The following ARID1B variants were observed in gnomAD, a reference collection of about 807,000 sequenced individuals.
ARID1B encodes AT-rich interaction domain 1B, also known as AT-rich interactive domain-containing protein 1B.
ARID1B carries 30 observed loss-of-function variants against 212.3 expected under a neutral mutation model. The observed-to-expected ratio is 0.14, with a 90% CI of 0.11 to 0.19. The LOEUF (loss-of-function observed/expected upper bound fraction) is 0.19, where lower values mean the gene tolerates loss of function less well. ARID1B is among the 10% of genes least tolerant of loss of function. The pLI is 1.00. For synonymous variants in ARID1B, 1,402 were observed against 1,301.7 expected, an observed-to-expected ratio of 1.08 and a Z score of -1.66; for missense variants, 2,891 against 3,204.0, an observed-to-expected ratio of 0.90 and a Z score of 2.36.
intron 1 of ARID1B, among the ~76,000 whole-genome samples, chr6:156,787,871 T>A (rs1327564325): frequency 2.6e-5 from 4 of 152,120 alleles, no homozygotes. Flanking sequence ...TTTGGAGGCC[T>A]CAGCACCCAT....
rs77425042 is a variant in ARID1B at position 156,994,630 on chromosome 6, C to T, written c.2247+59054C>T. The stretch of plus-strand genomic sequence containing the variant: ...ACATATGTTAAGTCTGTAGGGTGAA[C>T]GCACGCCCATTATGGGCAACCTGAT... On this transcript the variant is annotated intron_variant, in intron 4 of 19. Transcript: ENST00000636930. Among the ~76,000 whole-genome samples the T allele has an allele frequency of 5.6e-3, 848 of 152,142 alleles. 14 individuals are homozygous for T. Among genetic ancestry groups the T allele is most frequent in the African/African-American group, 0.02 (817 of 41,512 alleles).
intron 4 of ARID1B, among the ~76,000 whole-genome samples, chr6:157,014,676 A>G (rs756826977): frequency 1.3e-5 from 2 of 152,228 alleles, no homozygotes; most frequent in Non-Finnish European, 2.9e-5. Context: ...TGATACCAAC[A>G]CCATTGAATT....
intron 3 of ARID1B, among the ~76,000 whole-genome samples, chr6:156,907,094 C>CT (rs1789454945): frequency 6.6e-6 from 1 of 151,986 alleles, no homozygotes; most frequent in East Asian, 1.9e-4. Context: ...GCTTTTTTGC[C>CT]TTTCTGCAGA....
At chr6:157,056,419 C>A (rs975314324) in intron 4 of ARID1B, among the ~76,000 whole-genome samples, 21 of 152,164 alleles carry the variant, frequency 1.4e-4, no homozygotes, top group Admixed American at 7.2e-4. Context: ...CAGAGCTATC[C>A]ATCATAGCAG....
intron 7 of ARID1B, chr6:157,140,805 T>G: frequency 2.5e-6 from 1 of 396,246 alleles, no homozygotes; most frequent in South Asian, 1.4e-4. Flanking sequence ...GATCCGCTTC[T>G]GCCCCGGGAG....
intron 5 of ARID1B, among the ~76,000 whole-genome samples, chr6:157,108,875 T>A (rs1184103158): frequency 6.6e-6 from 1 of 152,212 alleles, no homozygotes; most frequent in Non-Finnish European, 1.5e-5. Flanking sequence ...TGTCTATAAA[T>A]TCAGGTCTTT....
chr6:157,082,671 T>G (rs1425031016), intron 4 of ARID1B, among the ~76,000 whole-genome samples: 1 of 152,158 alleles, frequency 6.6e-6, no homozygotes, highest in Non-Finnish European at 1.5e-5. Flanking sequence ...CTGCCTCAGC[T>G]TCCCGAGTAG....
At chr6:156,899,309 A>G (rs1562470293) in intron 2 of ARID1B, among the ~76,000 whole-genome samples, 1 of 152,170 alleles carries the variant, frequency 6.6e-6, no homozygotes, top group Non-Finnish European at 1.5e-5. Context: ...GAGTTGAGCA[A>G]TCCGTCCCAT....
chr6:156,807,522 A>G (rs1781261280), intron 1 of ARID1B, among the ~76,000 whole-genome samples: 1 of 151,528 alleles, frequency 6.6e-6, no homozygotes, highest in Non-Finnish European at 1.5e-5. Flanking sequence ...AAAGATTCAA[A>G]CGCTGGCAAA....
intron 4 of ARID1B, among the ~76,000 whole-genome samples, chr6:156,991,681 G>A (rs1778286855): frequency 6.6e-6 from 1 of 152,034 alleles, no homozygotes; most frequent in Non-Finnish European, 1.5e-5. Flanking sequence ...CATTATTAAG[G>A]TACTGATTTT....
At chr6:157,120,157 G>C (rs1787610645) in intron 6 of ARID1B, among the ~76,000 whole-genome samples, 1 of 152,200 alleles carries the variant, frequency 6.6e-6, no homozygotes, top group Admixed American at 6.5e-5. Context: ...TTTTTCCTCA[G>C]CACTGAAGTG....
intron 1 of ARID1B, among the ~76,000 whole-genome samples, chr6:156,792,341 C>T (rs1007635540): frequency 2.0e-5 from 3 of 152,182 alleles, no homozygotes; most frequent in Non-Finnish European, 2.9e-5. Context: ...AGTGGTTCAA[C>T]ACCTGTAATC....
rs925801197 is a variant in ARID1B at position 157,117,025 on chromosome 6, G to A, written c.2581+6464G>A. Among the ~76,000 whole-genome samples the A allele has an allele frequency of 2.0e-5, 3 of 152,176 alleles. No homozygotes were observed. The East Asian group carries it at 5.8e-4, about 29-fold the overall frequency. On this transcript the variant is annotated intron_variant, in intron 6 of 19. Transcript: ENST00000636930. ...CCAGCCAAACATAGAGATCTTGACAGCTGTTTGTCAGCAGAATCACAAAAA... is the reference window on the plus strand; with the variant it reads ...CCAGCCAAACATAGAGATCTTGACAACTGTTTGTCAGCAGAATCACAAAAA...
In ARID1B at chr6:156,847,110, A is replaced by G. The variant is rs145903159; in HGVS notation, c.1986+17689A>G. 3.4e-3 allele frequency among the ~76,000 whole-genome samples: 515 copies of G among 151,150 alleles called. 5 individuals are homozygous for G. The highest frequency in any genetic ancestry group is 0.012 in the African/African-American group (486 of 41,226). On this transcript the variant is annotated intron_variant, in intron 2 of 19. Coordinates refer to ENST00000636930, the MANE Select transcript of ARID1B (RefSeq NM_001374828.1). Reference sequence around the variant, plus strand: ...AGAGTAGAGAGAAACATGAGCATTTAATCTGTCTGTTTACCAGAAACCTCT... The same window carrying G: ...AGAGTAGAGAGAAACATGAGCATTTGATCTGTCTGTTTACCAGAAACCTCT...
rs375542082 is a variant in ARID1B at position 156,845,484 on chromosome 6, G to T, written c.1986+16063G>T. Among the ~76,000 whole-genome samples the T allele has an allele frequency of 3.5e-4, 53 of 152,138 alleles. No homozygotes were observed. In the South Asian group the frequency reaches 9.8e-3, roughly 28 times the overall value. ...CGTGTCTCTGCTTGTCAGAAAGGTGGCCTTAATGGGTGGATTGGCTGAGTG... is the reference window on the plus strand; with the variant it reads ...CGTGTCTCTGCTTGTCAGAAAGGTGTCCTTAATGGGTGGATTGGCTGAGTG... On this transcript the variant is annotated intron_variant, in intron 2 of 19. Coordinates refer to ENST00000636930, the MANE Select transcript of ARID1B (RefSeq NM_001374828.1).
intron 12 of ARID1B, among the ~76,000 whole-genome samples, chr6:157,183,334 T>A (rs1792701855): frequency 6.6e-6 from 1 of 152,052 alleles, no homozygotes. Context: ...ACTAAGTAAA[T>A]GGACAGAAGA....
chr6:156,849,993 G>A lies in ARID1B; in HGVS notation c.1986+20572G>A, dbSNP rs145005756. Among the ~76,000 whole-genome samples the A allele has an allele frequency of 2.0e-3, 294 of 149,446 alleles. 1 individual carries two copies. Among genetic ancestry groups the A allele is most frequent in the African/African-American group, 6.4e-3 (257 of 40,338 alleles). On this transcript the variant is annotated intron_variant, in intron 2 of 19. Coordinates refer to ENST00000636930, the MANE Select transcript of ARID1B (RefSeq NM_001374828.1). ...GCACAAAGTGGCACCTGTTAGAGCTGGAAGTGTTCTTGCACGGCTGTCTTT... is the reference window on the plus strand; with the variant it reads ...GCACAAAGTGGCACCTGTTAGAGCTAGAAGTGTTCTTGCACGGCTGTCTTT...
At chr6:156,995,725 A>G (rs1778547815) in intron 4 of ARID1B, among the ~76,000 whole-genome samples, 1 of 152,242 alleles carries the variant, frequency 6.6e-6, no homozygotes, top group South Asian at 2.1e-4. Flanking sequence ...AGCTATCACC[A>G]GATGAGATGG....
intron 2 of ARID1B, among the ~76,000 whole-genome samples, chr6:156,867,131 A>G (rs1054969651): frequency 1.3e-5 from 2 of 152,224 alleles, no homozygotes; most frequent in African/African-American, 4.8e-5. Context: ...ATCTTTGACA[A>G]CCAACAAGAG....
Sources: allele counts gnomAD v4.1 joint callset (sites outside exome capture counted in the v4.1 genomes callset), GRCh38; gene constraint gnomAD v4.1.1; transcripts MANE v1.5; gene names NCBI Gene and HGNC (gene_info 2026-07-23, HGNC 2026-07-21).